ALG14: variants seen among roughly 807,000 people sequenced by gnomAD.
ALG14 encodes the protein ALG14 UDP-N-acetylglucosaminyltransferase subunit, also known as UDP-N-acetylglucosamine transferase subunit ALG14.
In ALG14, 17 loss-of-function variants were observed where a neutral mutation model predicts 22.8. The ratio of observed to expected loss-of-function variants is 0.75; its 90% CI spans 0.51 to 1.12. The LOEUF (loss-of-function observed/expected upper bound fraction) is 1.12. Among genes scored for constraint, ALG14 ranks in the 50% most tolerant of loss-of-function variants. The probability of loss-of-function intolerance (pLI) is 0.00; values close to 1 mark genes in which losing one functional copy is unlikely to be tolerated. For missense variants in ALG14, 288 were observed against 271.8 expected (o/e 1.06, Z -0.42); for synonymous variants, 89 against 103.7 (o/e 0.86, Z 0.86).
chr1:95,020,585 A>C (rs1571614113), intron 3 of ALG14, among the ~76,000 whole-genome samples: 2 of 152,028 alleles, frequency 1.3e-5, no homozygotes, highest in Middle Eastern at 3.4e-3. Flanking sequence ...CTAAAGATAC[A>C]AAATTAGCCA....
intron 3 of ALG14, among the ~76,000 whole-genome samples, chr1:95,023,964 C>T (rs1044834732): frequency 6.6e-6 from 1 of 152,194 alleles, no homozygotes; most frequent in Non-Finnish European, 1.5e-5. Flanking sequence ...CGCAAAAATA[C>T]TTGGCCTTTA....
At chr1:95,067,015 A>G (rs1003393223) in intron 1 of ALG14, 5 of 152,200 alleles carry the variant, frequency 3.3e-5, no homozygotes, top group Admixed American at 1.3e-4. Flanking sequence ...CCTTTTTTAA[A>G]CTTTTTATTT....
intron 2 of ALG14, among the ~76,000 whole-genome samples, chr1:95,046,361 G>C (rs1674556083): frequency 6.6e-6 from 1 of 152,194 alleles, no homozygotes; most frequent in Non-Finnish European, 1.5e-5. Flanking sequence ...AGCAGCATCA[G>C]ATTCTCTTAG....
chr1:95,004,565 T>A (rs2100740578), intron 3 of ALG14, among the ~76,000 whole-genome samples: 2 of 152,032 alleles, frequency 1.3e-5, no homozygotes, highest in East Asian at 3.9e-4. Context: ...AGTGGTGCAA[T>A]CTCGGCTCAC....
At chr1:95,031,708 TTC>T (rs1446045858) in intron 2 of ALG14, among the ~76,000 whole-genome samples, 1 of 152,010 alleles carries the variant, frequency 6.6e-6, no homozygotes, top group African/African-American at 2.4e-5. Flanking sequence ...TCACCAAACT[TTC>T]TGTGTGCTTT....
intron 3 of ALG14, among the ~76,000 whole-genome samples, chr1:95,021,393 ACT>A (rs771232939): frequency 2.6e-5 from 4 of 151,966 alleles, no homozygotes; most frequent in Non-Finnish European, 5.9e-5. Context: ...TTCCCTACTG[ACT>A]CTAGTTACAC....
chr1:95,021,997 TG>T (rs1673678467), intron 3 of ALG14, among the ~76,000 whole-genome samples: 1 of 152,208 alleles, frequency 6.6e-6, no homozygotes, highest in African/African-American at 2.4e-5. Context: ...TGTGATGGGC[TG>T]GAACAGTGAC....
chr1:95,021,650 T>A lies in ALG14; in HGVS notation c.420+5479A>T, dbSNP rs544815448. Among the ~76,000 whole-genome samples the A allele has an allele frequency of 4.6e-5, 7 of 152,306 alleles. No homozygotes were observed. The South Asian group carries it at 1.5e-3, about 32-fold the overall frequency. ...CACTGAAAGTCTGTGAAGCTGGGAC[T>A]GGTTCTAGGAATTATTCATGCATCT... On this transcript the variant is annotated intron_variant, in intron 3 of 3. Transcript: ENST00000370205.
chr1:95,012,327 T>G (rs1268836500), intron 3 of ALG14, among the ~76,000 whole-genome samples: 1 of 152,236 alleles, frequency 6.6e-6, no homozygotes, highest in Non-Finnish European at 1.5e-5. Context: ...TAAATATCAT[T>G]TGGATCTTTT....
chr1:95,030,696 G>A (rs775740846), intron 2 of ALG14, among the ~76,000 whole-genome samples: 3 of 152,174 alleles, frequency 2.0e-5, no homozygotes, highest in Non-Finnish European at 2.9e-5. Flanking sequence ...TTGGCTCCAA[G>A]GACATAAACA....
At chr1:94,999,043 C>T (rs1334410454) in intron 3 of ALG14, among the ~76,000 whole-genome samples, 1 of 152,118 alleles carries the variant, frequency 6.6e-6, no homozygotes, top group Non-Finnish European at 1.5e-5. Flanking sequence ...AGAACAAACA[C>T]AGGTTTTATA....
intron 2 of ALG14, among the ~76,000 whole-genome samples, chr1:95,059,976 G>A (rs1422992607): frequency 6.6e-6 from 1 of 151,884 alleles, no homozygotes; most frequent in African/African-American, 2.4e-5. Context: ...AGTCTGGTGA[G>A]CTCCATGGAA....
At chr1:95,000,737 C>T (rs1323042576) in intron 3 of ALG14, among the ~76,000 whole-genome samples, 1 of 136,390 alleles carries the variant, frequency 7.3e-6, no homozygotes, top group Admixed American at 7.8e-5. Context: ...TCAACCTATG[C>T]TTACTGGAAA....
chr1:95,006,395 A>C (rs546585665), intron 3 of ALG14, among the ~76,000 whole-genome samples: 1 of 152,262 alleles, frequency 6.6e-6, no homozygotes, highest in South Asian at 2.1e-4. Flanking sequence ...ATGATATAAA[A>C]AGGATTACAA....
At chr1:95,018,352 A>G (rs1247218785) in intron 3 of ALG14, among the ~76,000 whole-genome samples, 2 of 152,030 alleles carry the variant, frequency 1.3e-5, no homozygotes, top group African/African-American at 2.4e-5. Flanking sequence ...CCTGGCCAAC[A>G]TGGTGAAACC....
chr1:95,021,209 C>T (rs1219630134), intron 3 of ALG14, among the ~76,000 whole-genome samples: 2 of 152,162 alleles, frequency 1.3e-5, no homozygotes, highest in Non-Finnish European at 2.9e-5. Flanking sequence ...GCTTCTCTGA[C>T]TTCTCCTTTC....
At position 94,982,521 on chromosome 1, in the gene ALG14, C is replaced by T. The variant is rs1553223310; in HGVS notation, c.*555G>A. On this transcript the variant is annotated 3_prime_UTR_variant, in exon 4 of 4. Coordinates refer to ENST00000370205, the MANE Select transcript of ALG14 (RefSeq NM_144988.4). ...ATGATACTGGTTTATGCTCAAGGTT[C>T]TGGAGGCTTGTGGAGTGCAAATTGT... 1 of 152,834 alleles carries T rather than the reference C, an allele frequency of 6.5e-6. No homozygotes were observed. Among genetic ancestry groups the T allele is most frequent in the Non-Finnish European group, 1.5e-5 (1 of 68,694 alleles). 9.5% of individuals were successfully genotyped at this position (152,834 alleles called of 1,614,324 possible). A position where few individuals can be genotyped will look rare whatever the true frequency, so the allele number is the denominator to read the frequency against.
At chr1:94,983,602 A>T in intron 3 of ALG14, 2 of 352,166 alleles carry the variant, frequency 5.7e-6, no homozygotes, top group Non-Finnish European at 1.0e-5. Context: ...TCGGACAGGC[A>T]TGTGTTGCTC....
intron 3 of ALG14, among the ~76,000 whole-genome samples, chr1:95,021,146 T>C (rs998380567): frequency 6.6e-6 from 1 of 152,246 alleles, no homozygotes; most frequent in Admixed American, 6.5e-5. Flanking sequence ...TTTCCTATTC[T>C]ACTTTTTCCA....
Sources: allele counts gnomAD v4.1 joint callset (sites outside exome capture counted in the v4.1 genomes callset), GRCh38; gene constraint gnomAD v4.1.1; transcripts MANE v1.5; gene names NCBI Gene and HGNC (gene_info 2026-07-23, HGNC 2026-07-21).